The following USP47 variants were observed in gnomAD, a reference collection of about 807,000 sequenced individuals.
USP47 encodes ubiquitin carboxyl-terminal hydrolase 47.
In USP47, 35 loss-of-function variants were observed where a neutral mutation model predicts 165.1. That is an observed-to-expected ratio of 0.21 (90% confidence interval 0.16 to 0.28). The LOEUF (loss-of-function observed/expected upper bound fraction) is 0.28, where lower values mean the gene tolerates loss of function less well. Among genes scored for constraint, USP47 ranks in the 10% least tolerant of loss-of-function variants. The pLI is 1.00. For synonymous variants in USP47, 531 were observed against 544.5 expected (o/e 0.98, Z 0.35); for missense variants, 1,277 against 1,607.4 (o/e 0.79, Z 3.52).
At chr11:11,857,767 T>G (rs182878205) in intron 1 of USP47, among the ~76,000 whole-genome samples, 61 of 152,304 alleles carry the variant, frequency 4.0e-4, no homozygotes, top group African/African-American at 1.4e-3. Context: ...GTACCTCTGG[T>G]TGGTTGCAGA....
At position 11,880,228 on chromosome 11, in the gene USP47, A is replaced by G. The variant is rs773737486; in HGVS notation, c.91A>G (p.Thr31Ala). The G allele has an allele frequency of 2.0e-5, 29 of 1,467,966 alleles. No individual in the cohort carries two copies. Among genetic ancestry groups the G allele is most frequent in the Admixed American group, 2.8e-5 (1 of 35,778 alleles). The allele number at this position is 1,467,966 out of a possible 1,614,324, so 90.9% of individuals were successfully genotyped here. Residue 31 changes from threonine to alanine, a missense_variant, in exon 2 of 28, where the codon ACT becomes GCT. Around this residue, in one of 4 missense-constraint regions of USP47, gnomAD observed 181 missense variants for 194.7 expected, o/e 0.93. Transcript: ENST00000527733. ...AGTCTTATGTATTATACAAGATACT[A>G]CTAATTCAAAGACAGTGAATGAACG... ...PRVLCIIQDT[T>A]NSKTVNERIT...
At chr11:11,907,919 A>C (rs1852681935) in intron 8 of USP47, among the ~76,000 whole-genome samples, 1 of 152,048 alleles carries the variant, frequency 6.6e-6, no homozygotes, top group Non-Finnish European at 1.5e-5. Context: ...AACATGATGA[A>C]ACCTCGTCTC....
intron 8 of USP47, among the ~76,000 whole-genome samples, chr11:11,906,950 T>C (rs941785707): frequency 4.6e-5 from 7 of 152,184 alleles, no homozygotes; most frequent in Non-Finnish European, 8.8e-5. Flanking sequence ...TTTTTATACC[T>C]TATTTATTAA....
At position 11,922,161 on chromosome 11, in the gene USP47, G is replaced by A. The variant is rs554144119; in HGVS notation, c.1219-563G>A. Among the ~76,000 whole-genome samples, 182 of 116,674 alleles carry A rather than the reference G, an allele frequency of 1.6e-3. No individual in the cohort carries two copies. In the Middle Eastern group the frequency reaches 0.018, roughly 12 times the overall value. The allele number at this position is 116,674 out of a possible 152,430, so 76.5% of individuals were successfully genotyped here. On this transcript the variant is annotated intron_variant, in intron 10 of 27. Coordinates refer to ENST00000527733, the MANE Select transcript of USP47 (RefSeq NM_001282659.2). ...TTCTTCAAATTAAATTTGTGTGAAT[G>A]TGGTTTAAAACCATAAAGTAGAAAA...
At chr11:11,844,682 T>C (rs925847693) in intron 1 of USP47, among the ~76,000 whole-genome samples, 1 of 152,126 alleles carries the variant, frequency 6.6e-6, no homozygotes, top group Admixed American at 6.5e-5. Context: ...ATTAAAAAAT[T>C]TCATGCATTT....
Position 11,905,790 on chromosome 11 carries a change from T to C in USP47, c.969+242T>C, listed in dbSNP as rs1211461035. On this transcript the variant is annotated intron_variant, in intron 8 of 27. Coordinates refer to ENST00000527733, the MANE Select transcript of USP47 (RefSeq NM_001282659.2). ...TGCCTCATGGTTCAGTGTTTTATTCTTTTGGATAGGTGATTAGATGATTTC... is the reference window on the plus strand; with the variant it reads ...TGCCTCATGGTTCAGTGTTTTATTCCTTTGGATAGGTGATTAGATGATTTC... Among the ~76,000 whole-genome samples, 7 of 151,392 alleles carry C rather than the reference T, an allele frequency of 4.6e-5. No homozygotes were observed. In the Admixed American group the frequency reaches 4.6e-4, roughly 10 times the overall value.
At chr11:11,892,710 G>T (rs756633727) in intron 4 of USP47, among the ~76,000 whole-genome samples, 1 of 151,430 alleles carries the variant, frequency 6.6e-6, no homozygotes, top group Non-Finnish European at 1.5e-5. Context: ...CAGCTCCTCA[G>T]GAGGCTTAGG....
At chr11:11,847,717 G>A (rs1848505848) in intron 1 of USP47, among the ~76,000 whole-genome samples, 1 of 152,090 alleles carries the variant, frequency 6.6e-6, no homozygotes, top group Non-Finnish European at 1.5e-5. Flanking sequence ...TTTCTCCAAT[G>A]TGTAGCCTTT....
chr11:11,913,969 A>C (rs772178626), intron 8 of USP47, among the ~76,000 whole-genome samples: 3 of 152,144 alleles, frequency 2.0e-5, no homozygotes, highest in Admixed American at 6.5e-5. Context: ...AGTAAAGATA[A>C]TTACATAGTC....
chr11:11,872,055 C>T (rs555281509), intron 1 of USP47, among the ~76,000 whole-genome samples: 7 of 152,224 alleles, frequency 4.6e-5, no homozygotes, highest in Non-Finnish European at 7.4e-5. Context: ...TGACTTTTCT[C>T]GTAGATGTGC....
chr11:11,942,329 A>C lies in USP47; in HGVS notation c.2314-6A>C. 6.3e-7 allele frequency: 1 copy of C among 1,578,882 alleles called. No homozygotes were observed. The highest frequency in any genetic ancestry group is 8.6e-7 in the Non-Finnish European group (1 of 1,166,882). On this transcript the variant is annotated splice_region_variant and splice_polypyrimidine_tract_variant and intron_variant, in intron 19 of 27. Transcript: ENST00000527733. ...ATATATAATAAAACTCTGACTTACT[A>C]TGTAGGTGTTTGTTGAAAGCTCCGA...
At chr11:11,927,953 A>G (rs1854373880) in intron 11 of USP47, among the ~76,000 whole-genome samples, 1 of 152,086 alleles carries the variant, frequency 6.6e-6, no homozygotes, top group African/African-American at 2.4e-5. Flanking sequence ...TTGCTTTAAA[A>G]TAGATATATA....
intron 1 of USP47, among the ~76,000 whole-genome samples, chr11:11,851,266 A>G (rs913140671): frequency 6.6e-6 from 1 of 151,994 alleles, no homozygotes; most frequent in African/African-American, 2.4e-5. Flanking sequence ...TCAATTGAGC[A>G]TGTTGTCCTC....
chr11:11,921,687 A>C (rs1853849073), intron 10 of USP47, among the ~76,000 whole-genome samples: 1 of 151,908 alleles, frequency 6.6e-6, no homozygotes, highest in Non-Finnish European at 1.5e-5. Context: ...TGGTCTTCTG[A>C]ATATGCCTAA....
intron 18 of USP47, 75 bp downstream of exon 18, chr11:11,938,447 G>A: frequency 9.3e-7 from 1 of 1,080,660 alleles, no homozygotes. Flanking sequence ...TGACAGTTAT[G>A]AATAAGATAC....
Position 11,955,069 on chromosome 11 carries a change from T to C in USP47, c.3798T>C (p.Leu1266=), listed in dbSNP as rs961304486. The part of the protein sequence containing the change: ...RGTFPCDISV[L]DIHQDLDWNP... ...CATTTCCCTGTGATATTTCTGTCCT[T>C]GATATTCATCAGGATTTAGACTGGA... The change falls in exon 27 of 28, where the codon CTT becomes CTC. Residue 1266 remains leucine, a synonymous_variant. Transcript: ENST00000527733. The C allele has an allele frequency of 6.8e-6, 11 of 1,613,746 alleles. No individual in the cohort carries two copies. In the Admixed American group the frequency reaches 1.7e-4, roughly 24 times the overall value.
chr11:11,920,531 C>A, intron 10 of USP47, 37 bp downstream of exon 10: 2 of 1,557,632 alleles, frequency 1.3e-6, no homozygotes, highest in South Asian at 1.2e-5. Flanking sequence ...TTTCATTAAT[C>A]CACATTAGTC....
rs1163105768 is a variant in USP47 at position 11,854,845 on chromosome 11, G to A, written c.39+12621G>A. Among the ~76,000 whole-genome samples, 2 of 147,194 alleles carry A rather than the reference G, an allele frequency of 1.4e-5. 1 individual carries two copies. Among genetic ancestry groups the A allele is most frequent in the Non-Finnish European group, 3.0e-5 (2 of 65,692 alleles). ...GTGGTGGCTCACGCCTGTAATCCCA[G>A]CACTTTGGGAGGCTGAAGCAGGCGG... On this transcript the variant is annotated intron_variant, in intron 1 of 27. Coordinates refer to ENST00000527733, the MANE Select transcript of USP47 (RefSeq NM_001282659.2).
Position 11,920,245 on chromosome 11 carries a change from A to G in USP47, c.1059A>G (p.Ala353=), listed in dbSNP as rs1853732459. 3 of 1,609,932 alleles carry G rather than the reference A, an allele frequency of 1.9e-6. No individual in the cohort carries two copies. Among genetic ancestry groups the G allele is most frequent in the Non-Finnish European group, 2.5e-6 (3 of 1,177,836 alleles). The part of the protein sequence containing the change: ...FCERCKKKCD[A]RKGLRFLHFP... ...AACGTTGTAAGAAGAAGTGTGATGC[A>G]CGGAAGGTAAATGCCATGTAGAGAT... The change falls in exon 9 of 28, where the codon GCA becomes GCG. Residue 353 remains alanine, a synonymous_variant. Coordinates refer to ENST00000527733, the MANE Select transcript of USP47 (RefSeq NM_001282659.2).
Sources: allele counts gnomAD v4.1 joint callset (sites outside exome capture counted in the v4.1 genomes callset), GRCh38; gene constraint gnomAD v4.1.1; regional missense constraint gnomAD v4.1.1; transcripts MANE v1.5; gene names NCBI Gene and HGNC (gene_info 2026-07-23, HGNC 2026-07-21).